Variants in NCAPG2 observed in about 807,000 individuals in gnomAD.
NCAPG2 encodes condensin-2 complex subunit G2.
A neutral mutation model predicts 141.1 loss-of-function variants in NCAPG2; 53 were observed. The ratio of observed to expected loss-of-function variants is 0.38; its 90% CI spans 0.30 to 0.47. The LOEUF (loss-of-function observed/expected upper bound fraction) is 0.47. Among genes scored for constraint, NCAPG2 ranks in the 20% least tolerant of loss-of-function variants. NCAPG2 has a pLI of 0.99. For missense variants in NCAPG2, 1,087 were observed against 1,389.0 expected (o/e 0.78, Z 3.46); for synonymous variants, 499 against 490.7 (o/e 1.02, Z -0.22).
intron 13 of NCAPG2, chr7:158,668,419 T>A: frequency 1.0e-6 from 1 of 984,316 alleles, no homozygotes; most frequent in South Asian, 4.7e-5. Flanking sequence ...CTGTTTTGTT[T>A]TACTGAAGAG....
At chr7:158,701,121 T>C (rs930974916) in intron 2 of NCAPG2, among the ~76,000 whole-genome samples, 1 of 152,226 alleles carries the variant, frequency 6.6e-6, no homozygotes, top group African/African-American at 2.4e-5. Context: ...GCTTGCTGAA[T>C]GGTACTACAC....
chr7:158,654,779 G>C, intron 21 of NCAPG2, 85 bp from the exon 22 acceptor site: 2 of 1,506,252 alleles, frequency 1.3e-6, no homozygotes, highest in African/African-American at 1.4e-5. Flanking sequence ...TCCTATCCAT[G>C]TGCTAGTTAT....
At position 158,658,736 on chromosome 7, in the gene NCAPG2, A is replaced by G. The variant is rs184001307; in HGVS notation, c.1990-328T>C. On this transcript the variant is annotated intron_variant, in intron 16 of 27. Coordinates refer to ENST00000356309, the MANE Select transcript of NCAPG2 (RefSeq NM_017760.7). ...AAAATCATATGCTGTCATGAATTGA[A>G]TCTACTTTAAAAAACAACACTGATG... 7.9e-5 allele frequency among the ~76,000 whole-genome samples: 12 copies of G among 152,350 alleles called. No homozygotes were observed. In the East Asian group the frequency reaches 2.3e-3, roughly 29 times the overall value.
At chr7:158,656,086 C>T (rs568111112) in intron 19 of NCAPG2, among the ~76,000 whole-genome samples, 174 bp downstream of exon 19, 1 of 152,348 alleles carries the variant, frequency 6.6e-6, no homozygotes, top group African/African-American at 2.4e-5. Context: ...TGACTCCCAA[C>T]CTTGCCCTGG....
chr7:158,681,360 G>A (rs899050936), intron 9 of NCAPG2, among the ~76,000 whole-genome samples: 11 of 152,164 alleles, frequency 7.2e-5, no homozygotes, highest in African/African-American at 2.7e-4. Context: ...GATCATTCTT[G>A]TAGCTTTCAT....
chr7:158,695,112 G>A (rs1176053683), intron 2 of NCAPG2, among the ~76,000 whole-genome samples: 1 of 152,120 alleles, frequency 6.6e-6, no homozygotes, highest in East Asian at 1.9e-4. Context: ...GACAGTTTTG[G>A]TGCTGGGGTC....
chr7:158,689,089 C>T (rs1268715208), intron 6 of NCAPG2, among the ~76,000 whole-genome samples: 1 of 152,100 alleles, frequency 6.6e-6, no homozygotes, highest in Non-Finnish European at 1.5e-5. Context: ...GCCCCTAACA[C>T]AGAAGAACTA....
In NCAPG2 at chr7:158,646,664, T is replaced by C. The variant is rs945550606; in HGVS notation, c.3076-101A>G. On this transcript the variant is annotated intron_variant, in intron 24 of 27. Coordinates refer to ENST00000356309, the MANE Select transcript of NCAPG2 (RefSeq NM_017760.7). Reference sequence around the variant, plus strand: ...TCTTCAACACCTAAGAAAAACTTTCTAGAAATTCAAAAGAATTATTTTTAT... The same window carrying C: ...TCTTCAACACCTAAGAAAAACTTTCCAGAAATTCAAAAGAATTATTTTTAT... The C allele has an allele frequency of 2.0e-5, 14 of 694,134 alleles. 1 individual carries two copies. Among genetic ancestry groups the C allele is most frequent in the South Asian group, 2.0e-4 (11 of 55,142 alleles). 43.0% of individuals were successfully genotyped at this position (694,134 alleles called of 1,614,324 possible).
intron 12 of NCAPG2, 34 bp downstream of exon 12, chr7:158,675,443 A>G: frequency 6.6e-7 from 1 of 1,506,120 alleles, no homozygotes; most frequent in Non-Finnish European, 8.9e-7. Flanking sequence ...TCTACAACAA[A>G]TAAACATTAC....
chr7:158,648,557 G>A (rs73165314), intron 24 of NCAPG2, among the ~76,000 whole-genome samples: 3 of 81,928 alleles, frequency 3.7e-5, no homozygotes, highest in Admixed American at 1.2e-4. Flanking sequence ...GCAAATGGAC[G>A]ACAACCACGC....
intron 12 of NCAPG2, among the ~76,000 whole-genome samples, chr7:158,672,304 ATATATATATATATATATATATATATT>A: frequency 4.9e-5 from 1 of 20,234 alleles, no homozygotes; most frequent in African/African-American, 2.1e-4. Context: ...ATATATATAT[ATATATATATATATATATATATATATT>A]TTTTTTTTTT....
chr7:158,680,582 AT>A, intron 10 of NCAPG2, 138 bp downstream of exon 10: 1 of 504,536 alleles, frequency 2.0e-6, no homozygotes. Context: ...AGAAAAAAAC[AT>A]TTGTTCAAAA....
chr7:158,672,185 A>G (rs1248671965), intron 12 of NCAPG2, among the ~76,000 whole-genome samples: 1 of 151,564 alleles, frequency 6.6e-6, no homozygotes, highest in Non-Finnish European at 1.5e-5. Context: ...AAACTCCAGC[A>G]CTGCTTAAGC....
chr7:158,656,736 G>A (rs780526338), intron 17 of NCAPG2, 31 bp from the exon 18 acceptor site: 58 of 1,604,962 alleles, frequency 3.6e-5, no homozygotes, highest in Non-Finnish European at 4.9e-5. Flanking sequence ...ATCGGACTGA[G>A]TATTTCAACG....
chr7:158,652,791 G>T (rs1172885223), intron 22 of NCAPG2, among the ~76,000 whole-genome samples: 1 of 152,186 alleles, frequency 6.6e-6, no homozygotes, highest in Non-Finnish European at 1.5e-5. Flanking sequence ...TCAGCAGTGT[G>T]GTTCCCTCAA....
chr7:158,673,465 T>C (rs148126807), intron 12 of NCAPG2, among the ~76,000 whole-genome samples: 338 of 152,264 alleles, frequency 2.2e-3, no homozygotes, highest in Non-Finnish European at 4.1e-3. Context: ...CAGTGTGCAA[T>C]AGTGAATCAG....
chr7:158,686,810 A>C (rs1191525751), intron 7 of NCAPG2, among the ~76,000 whole-genome samples: 1 of 152,244 alleles, frequency 6.6e-6, no homozygotes, highest in Non-Finnish European at 1.5e-5. Flanking sequence ...TTTAGAAAGC[A>C]AAGCCTATCT....
At position 158,654,821 on chromosome 7, in the gene NCAPG2, AT is replaced by A. The variant is rs1470680920; in HGVS notation, c.2647-128del. ...AAGCAGATTTTTATAAAGATGTTTT[AT>A]AAAGGAATTTTCATAAAGATACATT... On this transcript the variant is annotated intron_variant, in intron 21 of 27. Coordinates refer to ENST00000356309, the MANE Select transcript of NCAPG2 (RefSeq NM_017760.7). 1.3e-4 allele frequency: 184 copies of A among 1,413,896 alleles called. 1 individual carries two copies. The East Asian group carries it at 4.7e-3, about 36-fold the overall frequency. 87.6% of individuals were successfully genotyped at this position (1,413,896 alleles called of 1,614,324 possible). A position where few individuals can be genotyped will look rare whatever the true frequency, so the allele number is the denominator to read the frequency against.
intron 11 of NCAPG2, among the ~76,000 whole-genome samples, chr7:158,677,400 A>G (rs1240295546): frequency 6.6e-6 from 1 of 151,978 alleles, no homozygotes; most frequent in Non-Finnish European, 1.5e-5. Flanking sequence ...ACTCTACACA[A>G]CTAGAGAAGA....
Sources: allele counts gnomAD v4.1 joint callset (sites outside exome capture counted in the v4.1 genomes callset), GRCh38; gene constraint gnomAD v4.1.1; transcripts MANE v1.5; gene names NCBI Gene and HGNC (gene_info 2026-07-23, HGNC 2026-07-21).